Variants in SDK1 observed in about 807,000 individuals in gnomAD.
The protein encoded by SDK1 is sidekick cell adhesion molecule 1.
Under a neutral mutation model 245.5 loss-of-function variants are expected in SDK1, and 157 were observed. The observed-to-expected ratio is 0.64, with a 90% CI of 0.56 to 0.73. The LOEUF (loss-of-function observed/expected upper bound fraction) is 0.73. Ranked by LOEUF, SDK1 falls within the 30% of genes least tolerant of loss-of-function variation. The pLI is 0.00. For synonymous variants in SDK1, 1,647 were observed against 1,278.5 expected (o/e 1.29, Z -6.15); for missense variants, 3,583 against 3,002.3 (o/e 1.19, Z -4.52).
chr7:3,371,233 C>T (rs1248807685), intron 1 of SDK1, among the ~76,000 whole-genome samples: 1 of 151,990 alleles, frequency 6.6e-6, no homozygotes, highest in East Asian at 1.9e-4. Flanking sequence ...GAGAAATGTG[C>T]TAGTATTTAG....
intron 14 of SDK1, among the ~76,000 whole-genome samples, chr7:4,002,211 G>A (rs925387937): frequency 2.0e-5 from 3 of 150,910 alleles, no homozygotes; most frequent in Non-Finnish European, 2.9e-5. Flanking sequence ...AAGCTTTTTC[G>A]TAGCCCTGGC....
chr7:3,604,182 A>T lies in SDK1; in HGVS notation c.299-14898A>T, dbSNP rs1003595409. On this transcript the variant is annotated intron_variant, in intron 1 of 44. Transcript: ENST00000404826. ...GTCTCTGCCAGGCTTTGGTATCAGG[A>T]TGATGTTGGCCTCATAAAATGAGTT... 3.3e-5 allele frequency among the ~76,000 whole-genome samples: 5 copies of T among 152,132 alleles called. No homozygotes were observed. The East Asian group carries it at 9.6e-4, about 29-fold the overall frequency.
chr7:3,763,983 C>G (rs2114992565), intron 4 of SDK1, among the ~76,000 whole-genome samples: 1 of 152,266 alleles, frequency 6.6e-6, no homozygotes, highest in Admixed American at 6.5e-5. Flanking sequence ...CTAACCCTAA[C>G]CCAAAAGGAA....
rs1012396638 is a variant in SDK1, at chr7:4,268,210, G to A, written c.*2826G>A. ...AACGTGGCTCATTTCAGATTGCTTC[G>A]GCCCCACCCTGCAAGGATGTGGTCA... On this transcript the variant is annotated 3_prime_UTR_variant, in exon 45 of 45. Coordinates refer to ENST00000404826, the MANE Select transcript of SDK1 (RefSeq NM_152744.4). 2.8e-5 allele frequency: 28 copies of A among 987,582 alleles called. No homozygotes were observed. Among genetic ancestry groups the A allele is most frequent in the African/African-American group, 3.5e-5 (2 of 57,258 alleles). 61.2% of individuals were successfully genotyped at this position (987,582 alleles called of 1,614,324 possible).
rs534499725 is a variant in SDK1, at chr7:3,860,529, G to A, written c.847+38946G>A. Among the ~76,000 whole-genome samples, 9 of 152,238 alleles carry A rather than the reference G, an allele frequency of 5.9e-5. No homozygotes were observed. The South Asian group carries it at 8.3e-4, about 14-fold the overall frequency. ...ATATCAAGTGTTGAGCAGGGTAAAA[G>A]GATAATGGAATTTTCAAAATGCAAT... On this transcript the variant is annotated intron_variant, in intron 5 of 44. Transcript: ENST00000404826.
chr7:4,085,809 C>T (rs376137010), intron 22 of SDK1, among the ~76,000 whole-genome samples: 25 of 152,208 alleles, frequency 1.6e-4, no homozygotes, highest in African/African-American at 5.3e-4. Context: ...CCCGCCTCAG[C>T]CTCCCAGAGT....
At chr7:3,861,817 A>G (rs1018212025) in intron 5 of SDK1, among the ~76,000 whole-genome samples, 1 of 152,192 alleles carries the variant, frequency 6.6e-6, no homozygotes, top group Non-Finnish European at 1.5e-5. Context: ...TGAAAAAAGA[A>G]AACAATTAAG....
Position 4,087,474 on chromosome 7 carries a change from C to CGT in SDK1, c.3324+7891_3324+7892insTG, listed in dbSNP as rs765070702. ...ACCAATGTGTGTGCACAGACACACA[C>CGT]GCGCGCACACACACACACACACACG... On this transcript the variant is annotated intron_variant, in intron 22 of 44. Coordinates refer to ENST00000404826, the MANE Select transcript of SDK1 (RefSeq NM_152744.4). 4.6e-3 allele frequency among the ~76,000 whole-genome samples: 520 copies of CGT among 111,904 alleles called. 3 individuals are homozygous for CGT. The South Asian group carries it at 0.047, about 10-fold the overall frequency. 73.4% of individuals were successfully genotyped at this position (111,904 alleles called of 152,430 possible).
chr7:3,895,622 G>A (rs574529123), intron 5 of SDK1, among the ~76,000 whole-genome samples: 19 of 149,740 alleles, frequency 1.3e-4, no homozygotes, highest in African/African-American at 4.7e-4. Context: ...CCACTCCGCT[G>A]TCCTGAGGCT....
chr7:3,375,538 G>T (rs1481103464), intron 1 of SDK1, among the ~76,000 whole-genome samples: 3 of 152,186 alleles, frequency 2.0e-5, no homozygotes, highest in African/African-American at 7.2e-5. Flanking sequence ...AGAGGATAGT[G>T]TGTGACTTCC....
intron 44 of SDK1, among the ~76,000 whole-genome samples, chr7:4,259,536 A>C (rs548469562): frequency 3.3e-5 from 5 of 152,324 alleles, no homozygotes; most frequent in African/African-American, 1.2e-4. Context: ...AGTGTTTCTC[A>C]AGTTTGGGAG....
intron 1 of SDK1, among the ~76,000 whole-genome samples, chr7:3,340,380 GT>G (rs1780314278): frequency 6.6e-6 from 1 of 152,178 alleles, no homozygotes; most frequent in Non-Finnish European, 1.5e-5. Context: ...CTGACACAAA[GT>G]GAGCACATGC....
Position 4,051,653 on chromosome 7 carries a change from G to T in SDK1, c.2734G>T (p.Ala912Ser). Residue 912 changes from alanine (A) to serine (S), a missense_variant, in exon 19 of 45, where the codon GCA (alanine) becomes TCA (serine). Ala to Ser is a moderately conservative substitution (Grantham distance 99). Coordinates refer to ENST00000404826, the MANE Select transcript of SDK1 (RefSeq NM_152744.4). Reference protein sequence around the residue: ...NQGYKLLAWPADAPEAVTVVT... With the variant: ...NQGYKLLAWPSDAPEAVTVVT... The stretch of plus-strand genomic sequence containing the variant: ...TCCATCTCAGCTTCTGGCATGGCCG[G>T]CAGATGCCCCCGAGGCTGTCACTGT... 1 of 1,610,804 alleles carries T rather than the reference G, an allele frequency of 6.2e-7. No homozygotes were observed. The highest frequency in any genetic ancestry group is 8.5e-7 in the Non-Finnish European group (1 of 1,178,706).
rs189425585 is a variant in SDK1 at position 4,238,825 on chromosome 7, G to A, written c.6130+1041G>A. On this transcript the variant is annotated intron_variant, in intron 42 of 44. Transcript: ENST00000404826. ...AGCCTCCCAAAGTACTGGGATTACAGGTGTGAGCCACCGCGCCCTGCCGAG... is the reference window on the plus strand; with the variant it reads ...AGCCTCCCAAAGTACTGGGATTACAAGTGTGAGCCACCGCGCCCTGCCGAG... Among the ~76,000 whole-genome samples the A allele has an allele frequency of 8.6e-5, 13 of 151,856 alleles. No homozygotes were observed. The East Asian group carries it at 2.5e-3, about 29-fold the overall frequency.
chr7:3,934,948 C>T (rs973056106), intron 5 of SDK1, among the ~76,000 whole-genome samples: 1 of 152,158 alleles, frequency 6.6e-6, no homozygotes, highest in Non-Finnish European at 1.5e-5. Flanking sequence ...TGTGCAAAGC[C>T]CCTTCGGTGT....
chr7:3,669,497 T>C (rs903369673), intron 4 of SDK1, among the ~76,000 whole-genome samples: 5 of 148,734 alleles, frequency 3.4e-5, no homozygotes, highest in Admixed American at 3.4e-4. Context: ...TCCACCTTCT[T>C]TAACCACTCT....
intron 9 of SDK1, among the ~76,000 whole-genome samples, chr7:3,966,653 T>A (rs1033290065): frequency 3.9e-5 from 6 of 152,152 alleles, no homozygotes; most frequent in African/African-American, 1.2e-4. Flanking sequence ...TGTCATCTTG[T>A]GGATGACATT....
intron 1 of SDK1, among the ~76,000 whole-genome samples, chr7:3,554,163 C>G (rs1779510304): frequency 6.6e-6 from 1 of 152,116 alleles, no homozygotes. Flanking sequence ...ACATAGTCTT[C>G]CAAAGAATTC....
intron 1 of SDK1, among the ~76,000 whole-genome samples, chr7:3,421,195 C>G (rs1243175131): frequency 2.0e-5 from 3 of 151,394 alleles, no homozygotes; most frequent in Non-Finnish European, 4.4e-5. Flanking sequence ...CCTGAGCCTC[C>G]TGAGTAGCTG....
Sources: allele counts gnomAD v4.1 joint callset (sites outside exome capture counted in the v4.1 genomes callset), GRCh38; gene constraint gnomAD v4.1.1; transcripts MANE v1.5; gene names NCBI Gene and HGNC (gene_info 2026-07-23, HGNC 2026-07-21).